The following TASP1 variants were observed in gnomAD, a reference collection of about 807,000 sequenced individuals.
The protein encoded by TASP1 is taspase 1, also known as threonine aspartase 1.
In TASP1, 16 loss-of-function variants were observed where a neutral mutation model predicts 56.6. The observed-to-expected ratio is 0.28, with a 90% CI of 0.19 to 0.43. The LOEUF is 0.43. Ranked by LOEUF, TASP1 falls within the 20% of genes least tolerant of loss-of-function variation. TASP1 has a pLI of 1.00. For missense variants in TASP1, 393 were observed against 511.6 expected (o/e 0.77, Z 2.24); for synonymous variants, 179 against 184.2 (o/e 0.97, Z 0.23).
At chr20:13,414,001 T>A (rs2042173728) in intron 13 of TASP1, among the ~76,000 whole-genome samples, 1 of 152,172 alleles carries the variant, frequency 6.6e-6, no homozygotes, top group South Asian at 2.1e-4. Context: ...AGTTTAACCA[T>A]GATAAAACAC....
the TASP1 span, among the ~76,000 whole-genome samples, chr20:13,253,820 A>T: frequency 5.8e-3 from 881 of 151,328 alleles, 8 homozygotes; most frequent in African/African-American, 0.021. Flanking sequence ...CTTAAAATTT[A>T]AAAAAAAGCT....
At chr20:13,571,475 TG>T (rs1484273037) in intron 6 of TASP1, among the ~76,000 whole-genome samples, 1 of 152,224 alleles carries the variant, frequency 6.6e-6, no homozygotes, top group African/African-American at 2.4e-5. Context: ...AAAGTCCCAT[TG>T]ACTCTACCTT....
chr20:13,269,087 G>A, the TASP1 span, among the ~76,000 whole-genome samples: 1 of 152,204 alleles, frequency 6.6e-6, no homozygotes, highest in Non-Finnish European at 1.5e-5. Flanking sequence ...CAGAGGCACT[G>A]TGGTGGGGGG....
the TASP1 span, chr20:13,160,282 C>T: frequency 1.1e-6 from 1 of 910,310 alleles, no homozygotes; most frequent in East Asian, 2.8e-5. Flanking sequence ...AAAACAAGAG[C>T]TCGTCAACAA....
At chr20:13,132,238 G>A in the TASP1 span, among the ~76,000 whole-genome samples, 2,197 of 141,066 alleles carry the variant, frequency 0.016, 21 homozygotes, top group Middle Eastern at 0.034. Flanking sequence ...GTGCAGTGGT[G>A]CCATCTCGGC....
At chr20:13,337,786 G>T in the TASP1 span, among the ~76,000 whole-genome samples, 1 of 152,214 alleles carries the variant, frequency 6.6e-6, no homozygotes, top group African/African-American at 2.4e-5. Flanking sequence ...GAAAGGAAAT[G>T]TGAGTGCTTC....
chr20:13,125,598 T>A, the TASP1 span, among the ~76,000 whole-genome samples: 1 of 152,240 alleles, frequency 6.6e-6, no homozygotes, highest in African/African-American at 2.4e-5. Context: ...CATCTGGGCT[T>A]GCTTCTGTAC....
At chr20:13,162,695 T>C in the TASP1 span, among the ~76,000 whole-genome samples, 10 of 152,208 alleles carry the variant, frequency 6.6e-5, no homozygotes, top group Non-Finnish European at 1.3e-4. Context: ...CAATAACAAC[T>C]CTAGCCTCGC....
chr20:13,249,134 A>G, the TASP1 span, among the ~76,000 whole-genome samples: 1 of 152,190 alleles, frequency 6.6e-6, no homozygotes, highest in Non-Finnish European at 1.5e-5. Context: ...ATTTTTGAAA[A>G]GATAAATAAA....
At chr20:13,581,071 C>G (rs2047106234) in intron 5 of TASP1, 90 bp from the exon 6 acceptor site, 3 of 1,151,860 alleles carry the variant, frequency 2.6e-6, no homozygotes, top group Non-Finnish European at 2.5e-6. Context: ...AATAAAACAA[C>G]TTGAATATAT....
At chr20:13,170,334 C>T in the TASP1 span, among the ~76,000 whole-genome samples, 5 of 152,102 alleles carry the variant, frequency 3.3e-5, no homozygotes, top group Non-Finnish European at 5.9e-5. Flanking sequence ...TTTAGCTAAA[C>T]GTTATATATT....
intron 11 of TASP1, among the ~76,000 whole-genome samples, chr20:13,436,348 T>TAA: frequency 1.4e-5 from 2 of 144,090 alleles, no homozygotes; most frequent in African/African-American, 5.6e-5. Flanking sequence ...AAGGGTTGTT[T>TAA]TAAAAAAAAA....
chr20:13,485,677 G>A (rs1490164957), intron 10 of TASP1, among the ~76,000 whole-genome samples: 3 of 151,970 alleles, frequency 2.0e-5, no homozygotes, highest in Non-Finnish European at 4.4e-5. Flanking sequence ...TTTTATAATC[G>A]GGAAAAAGAT....
At chr20:13,225,058 T>C in the TASP1 span, among the ~76,000 whole-genome samples, 2 of 151,146 alleles carry the variant, frequency 1.3e-5, no homozygotes, top group Non-Finnish European at 3.0e-5. Context: ...TTTCACCGTG[T>C]TAGCCAGGAT....
the TASP1 span, among the ~76,000 whole-genome samples, chr20:13,312,993 T>A: frequency 6.6e-6 from 1 of 152,138 alleles, no homozygotes; most frequent in Admixed American, 6.5e-5. Context: ...GAAGTAAAAT[T>A]TGAGCCTCAT....
the TASP1 span, among the ~76,000 whole-genome samples, chr20:13,212,418 C>T: frequency 1.3e-5 from 2 of 152,112 alleles, no homozygotes; most frequent in African/African-American, 4.8e-5. Flanking sequence ...TTATAGCAAC[C>T]AATGTTACTT....
chr20:13,255,193 A>T, the TASP1 span, among the ~76,000 whole-genome samples: 3 of 152,260 alleles, frequency 2.0e-5, no homozygotes, highest in African/African-American at 7.2e-5. Context: ...TCTGGAGGTG[A>T]CATTTAAGCT....
At chr20:13,453,226 C>T (rs1318344894) in intron 11 of TASP1, among the ~76,000 whole-genome samples, 1 of 152,040 alleles carries the variant, frequency 6.6e-6, no homozygotes, top group Non-Finnish European at 1.5e-5. Context: ...ATGGTGCAGA[C>T]AGGGGAACTC....
chr20:13,495,815 T>C (rs1370591183), intron 10 of TASP1, among the ~76,000 whole-genome samples: 1 of 152,168 alleles, frequency 6.6e-6, no homozygotes, highest in East Asian at 1.9e-4. Context: ...ACAGTTTTAT[T>C]CAAAATTACC....
Sources: allele counts gnomAD v4.1 joint callset (sites outside exome capture counted in the v4.1 genomes callset), GRCh38; gene constraint gnomAD v4.1.1; transcripts MANE v1.5; gene names NCBI Gene and HGNC (gene_info 2026-07-23, HGNC 2026-07-21).